Variants in CNIH4 observed in about 807,000 individuals in gnomAD.
CNIH4 encodes protein cornichon homolog 4.
CNIH4 carries 9 observed loss-of-function variants against 21.5 expected under a neutral mutation model. That is an observed-to-expected ratio of 0.42 (90% CI 0.25 to 0.73). The LOEUF is 0.73. Ranked by LOEUF, CNIH4 falls within the 30% of genes least tolerant of loss-of-function variation. CNIH4 has a pLI of 0.27. For missense variants in CNIH4, 159 were observed against 170.0 expected, an observed-to-expected ratio of 0.94 and a Z score of 0.36; for synonymous variants, 67 against 59.1, an observed-to-expected ratio of 1.13 and a Z score of -0.61.
intron 1 of CNIH4, among the ~76,000 whole-genome samples, chr1:224,359,473 ATTT>A (rs1378950335): frequency 6.6e-6 from 1 of 152,236 alleles, no homozygotes; most frequent in Non-Finnish European, 1.5e-5. Context: ...AGCTTTCCAT[ATTT>A]TGATCCTGGG....
intron 1 of CNIH4, 80 bp from the exon 2 acceptor site, chr1:224,360,415 T>G: frequency 1.4e-6 from 1 of 694,706 alleles, no homozygotes. Context: ...AATTCTGCCT[T>G]GTAACTGGGA....
intron 4 of CNIH4, among the ~76,000 whole-genome samples, chr1:224,373,682 G>T (rs1672699083): frequency 6.6e-6 from 1 of 152,166 alleles, no homozygotes; most frequent in South Asian, 2.1e-4. Flanking sequence ...ACAAAAATTG[G>T]CCAGGTGTGG....
At chr1:224,363,972 A>T in intron 2 of CNIH4, 1 of 768,882 alleles carries the variant, frequency 1.3e-6, no homozygotes, top group Non-Finnish European at 1.6e-6. Context: ...ATATGAGTCT[A>T]GTGCCAGTGT....
intron 2 of CNIH4, among the ~76,000 whole-genome samples, chr1:224,363,624 T>C (rs916241462): frequency 1.3e-5 from 2 of 152,188 alleles, no homozygotes; most frequent in Non-Finnish European, 2.9e-5. Context: ...CATGCCTGGC[T>C]GATTATAGTA....
intron 1 of CNIH4, among the ~76,000 whole-genome samples, chr1:224,358,457 A>G (rs933719988): frequency 7.9e-5 from 12 of 152,248 alleles, no homozygotes; most frequent in East Asian, 5.8e-4. Context: ...CTCTTGTGAT[A>G]TAAGGAACTA....
chr1:224,374,550 G>GATTAT lies in CNIH4; in HGVS notation c.393-1243_393-1239dup, dbSNP rs147335640. ...TTGCTTCAGCCTCCCGTGTAGCTGG[G>GATTAT]ATTATAGGCGCACGCCACCATGCCC... On this transcript the variant is annotated intron_variant, in intron 4 of 4. Transcript: ENST00000465271. 3.0e-3 allele frequency among the ~76,000 whole-genome samples: 451 copies of GATTAT among 152,232 alleles called. 2 individuals are homozygous for GATTAT. Among genetic ancestry groups the GATTAT allele is most frequent in the African/African-American group, 0.011 (438 of 41,540 alleles).
At chr1:224,358,431 G>A (rs946672321) in intron 1 of CNIH4, among the ~76,000 whole-genome samples, 3 of 152,194 alleles carry the variant, frequency 2.0e-5, no homozygotes, top group African/African-American at 4.8e-5. Flanking sequence ...CCTAAGTTTT[G>A]ATGACCTCTA....
chr1:224,364,073 A>C, intron 2 of CNIH4: 1 of 985,414 alleles, frequency 1.0e-6, no homozygotes, highest in Non-Finnish European at 1.2e-6. Context: ...ACCAAGCATA[A>C]TAAGGTGAAG....
chr1:224,374,686 G>A (rs933313445), intron 4 of CNIH4, among the ~76,000 whole-genome samples: 3 of 152,088 alleles, frequency 2.0e-5, no homozygotes, highest in African/African-American at 7.2e-5. Context: ...CACCACACCC[G>A]GCCTGGGGCA....
At chr1:224,362,739 C>G (rs1189325240) in intron 2 of CNIH4, among the ~76,000 whole-genome samples, 1 of 152,120 alleles carries the variant, frequency 6.6e-6, no homozygotes, top group East Asian at 1.9e-4. Flanking sequence ...GTAATCTGCC[C>G]AAAGTGCTGG....
At chr1:224,364,908 G>A (rs1672406397) in intron 2 of CNIH4, among the ~76,000 whole-genome samples, 1 of 151,428 alleles carries the variant, frequency 6.6e-6, no homozygotes, top group South Asian at 2.1e-4. Flanking sequence ...ACTCCAGCCT[G>A]GCGACAGAGC....
chr1:224,371,137 A>C, intron 3 of CNIH4, 146 bp from the exon 4 acceptor site: 1 of 764,042 alleles, frequency 1.3e-6, no homozygotes, highest in South Asian at 2.0e-5. Flanking sequence ...TTGGCCTGCC[A>C]AAGTGCTGGG....
chr1:224,378,898 A>T lies in CNIH4; in HGVS notation c.*3076A>T, dbSNP rs1672846700. The stretch of plus-strand genomic sequence containing the variant: ...ATCGTTCAGGGTGTTGTAACTGGGA[A>T]CATCTGAATGCTGAGGCTTAGTCCA... On this transcript the variant is annotated 3_prime_UTR_variant, in exon 5 of 5. Transcript: ENST00000465271. The T allele has an allele frequency of 1.6e-6, 1 of 606,790 alleles. No individual in the cohort carries two copies. Among genetic ancestry groups the T allele is most frequent in the Non-Finnish European group, 3.0e-6 (1 of 330,964 alleles). The allele number at this position is 606,790 out of a possible 1,614,324, so 37.6% of individuals were successfully genotyped here.
At chr1:224,375,673 G>C in intron 4 of CNIH4, 122 bp from the exon 5 acceptor site, 1 of 1,061,562 alleles carries the variant, frequency 9.4e-7, no homozygotes, top group Admixed American at 2.3e-5. Flanking sequence ...GGGTATGAAT[G>C]ATTGTCTTTT....
In CNIH4 at chr1:224,375,892, A is replaced by C; in HGVS notation, c.*70A>C. 1 of 1,597,670 alleles carries C rather than the reference A, an allele frequency of 6.3e-7. No individual in the cohort carries two copies. Among genetic ancestry groups the C allele is most frequent in the Non-Finnish European group, 8.5e-7 (1 of 1,171,740 alleles). Reference sequence around the variant, plus strand: ...AGTTGAGGAGCCAGAGACTTCTTAAATCATCCTTAGAACCGTGACCATAGC... The same window carrying C: ...AGTTGAGGAGCCAGAGACTTCTTAACTCATCCTTAGAACCGTGACCATAGC... On this transcript the variant is annotated 3_prime_UTR_variant, in exon 5 of 5. Coordinates refer to ENST00000465271, the MANE Select transcript of CNIH4 (RefSeq NM_014184.4).
At chr1:224,371,253 T>G (rs777924098) in intron 3 of CNIH4, 30 bp from the exon 4 acceptor site, 6 of 1,597,022 alleles carry the variant, frequency 3.8e-6, no homozygotes, top group Admixed American at 3.6e-5. Flanking sequence ...TTGATTATCC[T>G]TCTAATGTGT....
Position 224,356,964 on chromosome 1 carries a change from T to G in CNIH4, c.40T>G (p.Cys14Gly), listed in dbSNP as rs776872569. 3.1e-6 allele frequency: 5 copies of G among 1,612,620 alleles called. No homozygotes were observed. The highest frequency in any genetic ancestry group is 3.3e-5 in the Admixed American group (2 of 59,824). The change falls in exon 1 of 5, where the codon TGC becomes GGC. Residue 14 changes from cysteine to glycine, a missense_variant. By Grantham distance (159) the Cys-to-Gly change is radical. Coordinates refer to ENST00000465271, the MANE Select transcript of CNIH4 (RefSeq NM_014184.4). The stretch of plus-strand genomic sequence containing the variant: ...GTTCGTCTTCTCTCTCCTCGATTGT[T>G]GCGCGCTCATCTTCCTCTCGGTCTA... ...VVFVFSLLDC[C>G]ALIFLSVYFI...
intron 1 of CNIH4, among the ~76,000 whole-genome samples, chr1:224,359,061 T>C (rs761786535): frequency 6.6e-6 from 1 of 152,146 alleles, no homozygotes; most frequent in Non-Finnish European, 1.5e-5. Context: ...GAGACAGGTA[T>C]GTTCGTGGAT....
intron 1 of CNIH4, 153 bp downstream of exon 1, chr1:224,357,146 C>G: frequency 1.2e-6 from 1 of 809,660 alleles, no homozygotes; most frequent in South Asian, 1.7e-5. Context: ...GTGGCGCGGG[C>G]CCCGGAGCGG....
Sources: gnomAD v4.1 joint callset for allele counts (sites outside exome capture counted in the v4.1 genomes callset) on GRCh38, gnomAD v4.1.1 for gene constraint, MANE v1.5 for transcripts, NCBI Gene and HGNC (gene_info 2026-07-23, HGNC 2026-07-21) for gene names.